The following NELL2 variants were observed in gnomAD, a reference collection of about 807,000 sequenced individuals.
NELL2 encodes the protein protein kinase C-binding protein NELL2.
NELL2 carries 41 observed loss-of-function variants against 109.6 expected under a neutral mutation model. The observed-to-expected ratio is 0.37, with a 90% CI of 0.29 to 0.49. The LOEUF (loss-of-function observed/expected upper bound fraction) is 0.49. Among genes scored for constraint, NELL2 ranks in the 20% least tolerant of loss-of-function variants. The pLI, the probability that NELL2 is intolerant of heterozygous loss-of-function variation, is 0.98. For synonymous variants in NELL2, 355 were observed against 344.7 expected, an observed-to-expected ratio of 1.03 and a Z score of -0.33; for missense variants, 900 against 1,008.3, an observed-to-expected ratio of 0.89 and a Z score of 1.45.
Position 44,559,949 on chromosome 12 carries a change from C to CA in NELL2, c.1664-27229dup, listed in dbSNP as rs1405408631. 5.9e-5 allele frequency among the ~76,000 whole-genome samples: 9 copies of CA among 152,094 alleles called. No homozygotes were observed. In the South Asian group the frequency reaches 1.7e-3, roughly 28 times the overall value. ...GGAAGTAAAAACTCCTCAGCAAATG[C>CA]AAAAAATTGGAAATAATAACAAAGA... On this transcript the variant is annotated intron_variant, in intron 15 of 19. Transcript: ENST00000429094.
chr12:44,723,237 A>G (rs1354081748), intron 9 of NELL2, among the ~76,000 whole-genome samples: 1 of 152,162 alleles, frequency 6.6e-6, no homozygotes, highest in Non-Finnish European at 1.5e-5. Context: ...GACGAGTTAA[A>G]AAATTCTGAG....
chr12:44,788,999 T>C (rs11182677), intron 3 of NELL2, among the ~76,000 whole-genome samples: 47,146 of 151,348 alleles, frequency 0.31, 8,468 homozygotes, highest in Non-Finnish European at 0.4. Flanking sequence ...CACAGCAACC[T>C]GCCCAAGGAG....
chr12:44,843,155 G>A (rs1436808312), intron 2 of NELL2, among the ~76,000 whole-genome samples: 1 of 151,328 alleles, frequency 6.6e-6, no homozygotes, highest in Non-Finnish European at 1.5e-5. Flanking sequence ...TGGGGAAGGG[G>A]AGAGGTAACT....
At chr12:44,622,923 G>T (rs562563991) in intron 13 of NELL2, among the ~76,000 whole-genome samples, 23 of 152,244 alleles carry the variant, frequency 1.5e-4, no homozygotes, top group African/African-American at 5.5e-4. Flanking sequence ...CATTGTTCTT[G>T]ATAAAACAGG....
chr12:44,654,561 T>G (rs573339722), intron 13 of NELL2, among the ~76,000 whole-genome samples: 1 of 152,108 alleles, frequency 6.6e-6, no homozygotes, highest in Admixed American at 6.5e-5. Flanking sequence ...AGGATGTCAG[T>G]TCCTATTGGA....
intron 13 of NELL2, among the ~76,000 whole-genome samples, chr12:44,643,977 T>G (rs560416067): frequency 2.6e-5 from 4 of 152,264 alleles, no homozygotes; most frequent in African/African-American, 9.6e-5. Flanking sequence ...AAAACCTATC[T>G]AATCAGATAG....
intron 9 of NELL2, among the ~76,000 whole-genome samples, chr12:44,726,193 T>A (rs891489527): frequency 2.0e-5 from 3 of 152,078 alleles, no homozygotes; most frequent in South Asian, 4.1e-4. Context: ...AAAATAAAAT[T>A]TCCAAAGGAG....
At chr12:44,515,419 G>A (rs1941217708) in intron 19 of NELL2, among the ~76,000 whole-genome samples, 2 of 151,844 alleles carry the variant, frequency 1.3e-5, no homozygotes, top group Non-Finnish European at 3.0e-5. Flanking sequence ...ATGAGTACAA[G>A]CTGTGTAATT....
rs184062957 is a variant in NELL2, at chr12:44,573,148, C to A, written c.1663+34021G>T. ...GCCCAGATATTACAAGACGGTCCATCAGCTGAGTTCTGCTCTCAGCCCATT... is the reference window on the plus strand; with the variant it reads ...GCCCAGATATTACAAGACGGTCCATAAGCTGAGTTCTGCTCTCAGCCCATT... On this transcript the variant is annotated intron_variant, in intron 15 of 19. Coordinates refer to ENST00000429094, the MANE Select transcript of NELL2 (RefSeq NM_001145108.2). Among the ~76,000 whole-genome samples, 12 of 152,340 alleles carry A rather than the reference C, an allele frequency of 7.9e-5. No homozygotes were observed. In the East Asian group the frequency reaches 1.7e-3, roughly 22 times the overall value.
chr12:44,875,730 G>A (rs1592695310), intron 1 of NELL2, 85 bp downstream of exon 1: 2 of 1,609,394 alleles, frequency 1.2e-6, no homozygotes, highest in Non-Finnish European at 1.7e-6. Flanking sequence ...TTGGGTCCGG[G>A]AAAAGCGAGG....
chr12:44,623,895 C>G (rs1215092690), intron 13 of NELL2, among the ~76,000 whole-genome samples: 2 of 151,900 alleles, frequency 1.3e-5, no homozygotes, highest in Non-Finnish European at 2.9e-5. Flanking sequence ...AACAGAAAAC[C>G]AAACACTGCA....
At chr12:44,810,076 T>G (rs1263925259) in intron 3 of NELL2, among the ~76,000 whole-genome samples, 1 of 152,106 alleles carries the variant, frequency 6.6e-6, no homozygotes, top group African/African-American at 2.4e-5. Flanking sequence ...AATTTGAACA[T>G]TCTCCAAATC....
intron 2 of NELL2, among the ~76,000 whole-genome samples, chr12:44,868,366 T>C (rs1945068116): frequency 6.6e-6 from 1 of 152,162 alleles, no homozygotes; most frequent in African/African-American, 2.4e-5. Context: ...CTATCCAAAA[T>C]GATCTACAGA....
chr12:44,868,352 C>G (rs1324001699), intron 2 of NELL2, among the ~76,000 whole-genome samples: 1 of 151,972 alleles, frequency 6.6e-6, no homozygotes, highest in Non-Finnish European at 1.5e-5. Context: ...TTAAAATTTC[C>G]ACACTATCCA....
At chr12:44,611,006 A>G (rs1242610484) in intron 13 of NELL2, 36 bp from the exon 14 acceptor site, 4 of 1,603,470 alleles carry the variant, frequency 2.5e-6, no homozygotes, top group South Asian at 1.1e-5. Flanking sequence ...ACTCAAAGTT[A>G]TATTTCCAAA....
intron 15 of NELL2, among the ~76,000 whole-genome samples, chr12:44,594,056 C>G (rs976607293): frequency 6.6e-6 from 1 of 151,854 alleles, no homozygotes; most frequent in Non-Finnish European, 1.5e-5. Context: ...ACTACATGTT[C>G]TCACTCATTT....
chr12:44,784,213 A>G (rs577081623), intron 3 of NELL2, among the ~76,000 whole-genome samples: 1 of 152,260 alleles, frequency 6.6e-6, no homozygotes, highest in South Asian at 2.1e-4. Flanking sequence ...ATCATACTCA[A>G]TGGTGAAAGA....
rs573863710 is a variant in NELL2 at position 44,850,060 on chromosome 12, T to C, written c.184+25165A>G. On this transcript the variant is annotated intron_variant, in intron 2 of 19. Coordinates refer to ENST00000429094, the MANE Select transcript of NELL2 (RefSeq NM_001145108.2). ...TAAATCTTGTTTTGGGTGGCGGTTA[T>C]CTGATTGTATACAATTATCTAAACT... 2.6e-5 allele frequency among the ~76,000 whole-genome samples: 4 copies of C among 152,250 alleles called. No homozygotes were observed. The East Asian group carries it at 7.7e-4, about 29-fold the overall frequency.
At chr12:44,744,323 C>G (rs1940192591) in intron 9 of NELL2, among the ~76,000 whole-genome samples, 1 of 151,906 alleles carries the variant, frequency 6.6e-6, no homozygotes, top group Admixed American at 6.6e-5. Context: ...AAATTTATAA[C>G]ACTAAATGCC....
Sources: gnomAD v4.1 joint callset for allele counts (sites outside exome capture counted in the v4.1 genomes callset) on GRCh38, gnomAD v4.1.1 for gene constraint, MANE v1.5 for transcripts, NCBI Gene and HGNC (gene_info 2026-07-23, HGNC 2026-07-21) for gene names.